The following TBC1D22A variants were observed in gnomAD, a reference collection of about 807,000 sequenced individuals.
TBC1D22A encodes the protein putative GTPase activator.
Under a neutral mutation model 60.2 loss-of-function variants are expected in TBC1D22A, and 38 were observed. The observed-to-expected ratio is 0.63, with a 90% CI of 0.49 to 0.83. TBC1D22A has a LOEUF of 0.83. Among genes scored for constraint, TBC1D22A ranks in the 40% least tolerant of loss-of-function variants. The pLI is 0.00. For missense variants in TBC1D22A, 628 were observed against 701.0 expected, an observed-to-expected ratio of 0.90 and a Z score of 1.18; for synonymous variants, 302 against 281.7, an observed-to-expected ratio of 1.07 and a Z score of -0.72.
At chr22:46,768,606 C>T (rs570915299) in intron 1 of TBC1D22A, among the ~76,000 whole-genome samples, 3 of 151,996 alleles carry the variant, frequency 2.0e-5, no homozygotes, top group Admixed American at 1.3e-4. Flanking sequence ...TCCGCAGTTG[C>T]AGTTGGAATT....
intron 8 of TBC1D22A, among the ~76,000 whole-genome samples, chr22:46,944,480 T>G (rs560484003): frequency 1.3e-4 from 20 of 152,228 alleles, no homozygotes; most frequent in South Asian, 6.2e-4. Context: ...CTCACTGCAA[T>G]CTCCGCCTCC....
intron 10 of TBC1D22A, among the ~76,000 whole-genome samples, chr22:47,003,719 C>T (rs972201285): frequency 1.4e-5 from 2 of 138,498 alleles, no homozygotes; most frequent in African/African-American, 5.6e-5. Flanking sequence ...TGCCTGTATA[C>T]ACACACTCTA....
chr22:47,131,056 C>T (rs1200145300), intron 12 of TBC1D22A, among the ~76,000 whole-genome samples: 1 of 152,140 alleles, frequency 6.6e-6, no homozygotes, highest in African/African-American at 2.4e-5. Flanking sequence ...AGGGGTGCCA[C>T]GCTCTTTACA....
chr22:46,895,530 C>T lies in TBC1D22A; in HGVS notation c.900+684C>T, dbSNP rs2068627684. Among the ~76,000 whole-genome samples the T allele has an allele frequency of 2.0e-5, 3 of 152,294 alleles. No individual in the cohort carries two copies. The South Asian group carries it at 6.2e-4, about 32-fold the overall frequency. ...GGGATTACAGGCACCCACCACCACGCCCGGCTAATTTTTGTATTTTCTGTA... is the reference window on the plus strand; with the variant it reads ...GGGATTACAGGCACCCACCACCACGTCCGGCTAATTTTTGTATTTTCTGTA... On this transcript the variant is annotated intron_variant, in intron 7 of 12. Coordinates refer to ENST00000337137, the MANE Select transcript of TBC1D22A (RefSeq NM_014346.5).
At position 46,984,020 on chromosome 22, in the gene TBC1D22A, G is replaced by A. The variant is rs538421496; in HGVS notation, c.1125+9621G>A. Reference sequence around the variant, plus strand: ...GGGCAGTGGAAGCTGCTGACCTAGTGCTATTTCAGCCCCTCCCTCTCTCTG... The same window carrying A: ...GGGCAGTGGAAGCTGCTGACCTAGTACTATTTCAGCCCCTCCCTCTCTCTG... On this transcript the variant is annotated intron_variant, in intron 9 of 12. Coordinates refer to ENST00000337137, the MANE Select transcript of TBC1D22A (RefSeq NM_014346.5). Among the ~76,000 whole-genome samples the A allele has an allele frequency of 8.5e-5, 13 of 152,110 alleles. No homozygotes were observed. In the South Asian group the frequency reaches 2.7e-3, roughly 32 times the overall value.
intron 4 of TBC1D22A, among the ~76,000 whole-genome samples, chr22:46,832,294 G>T (rs1475542933): frequency 2.0e-5 from 3 of 152,204 alleles, no homozygotes; most frequent in African/African-American, 7.2e-5. Context: ...ATCTTGTTAT[G>T]CCCTTCTTAA....
Sources: allele counts gnomAD v4.1 joint callset (sites outside exome capture counted in the v4.1 genomes callset), GRCh38; gene constraint gnomAD v4.1.1; transcripts MANE v1.5; gene names NCBI Gene and HGNC (gene_info 2026-07-23, HGNC 2026-07-21).